TIAM2: variants seen among roughly 807,000 people sequenced by gnomAD.
The protein encoded by TIAM2 is rho guanine nucleotide exchange factor TIAM2.
A neutral mutation model predicts 152.9 loss-of-function variants in TIAM2; 80 were observed. The ratio of observed to expected loss-of-function variants is 0.52; its 90% CI spans 0.44 to 0.63. The LOEUF is 0.63. TIAM2 is among the 30% of genes least tolerant of loss of function. The probability of loss-of-function intolerance (pLI) is 0.00; values close to 1 mark genes in which losing one functional copy is unlikely to be tolerated. For synonymous variants in TIAM2, 804 were observed against 838.0 expected (o/e 0.96, Z 0.70); for missense variants, 1,965 against 2,120.1 (o/e 0.93, Z 1.44).
intron 1 of TIAM2, among the ~76,000 whole-genome samples, chr6:154,997,465 C>T (rs1778236165): frequency 6.6e-6 from 1 of 151,906 alleles, no homozygotes; most frequent in African/African-American, 2.4e-5. Context: ...GCGCTCCTCT[C>T]CATTGGAGAG....
intron 2 of TIAM2, among the ~76,000 whole-genome samples, chr6:155,115,247 A>G (rs538442717): frequency 3.9e-5 from 6 of 152,016 alleles, no homozygotes; most frequent in Non-Finnish European, 8.8e-5. Context: ...TTTTTTAAAG[A>G]GACAACATCT....
At chr6:155,079,431 G>C (rs1778017444) in intron 1 of TIAM2, among the ~76,000 whole-genome samples, 1 of 152,018 alleles carries the variant, frequency 6.6e-6, no homozygotes, top group African/African-American at 2.4e-5. Flanking sequence ...TTTCCCCTTT[G>C]GCTCTAGGTC....
chr6:155,050,579 C>T (rs1436056148), intron 1 of TIAM2, among the ~76,000 whole-genome samples: 1 of 152,176 alleles, frequency 6.6e-6, no homozygotes, highest in Non-Finnish European at 1.5e-5. Flanking sequence ...CTGGAGGGGT[C>T]ACACCTGCAG....
At chr6:155,030,529 C>T (rs552311064) in intron 1 of TIAM2, among the ~76,000 whole-genome samples, 4 of 152,186 alleles carry the variant, frequency 2.6e-5, no homozygotes, top group South Asian at 2.1e-4. Flanking sequence ...GCGTCCAAAC[C>T]GCAAGCCTCC....
chr6:155,050,154 A>G (rs1043359826), intron 1 of TIAM2, among the ~76,000 whole-genome samples: 4 of 152,140 alleles, frequency 2.6e-5, no homozygotes, highest in Non-Finnish European at 5.9e-5. Context: ...GAATTTAGAC[A>G]GTATTGGCAT....
chr6:155,037,729 C>T (rs1171521770), intron 1 of TIAM2, among the ~76,000 whole-genome samples: 1 of 152,124 alleles, frequency 6.6e-6, no homozygotes, highest in African/African-American at 2.4e-5. Context: ...GGGGTTTTGA[C>T]ATGTAGGCCA....
rs1001453914 is a variant in TIAM2 at position 155,179,366 on chromosome 6, C to A, written c.2629-12C>A. The A allele has an allele frequency of 6.2e-7, 1 of 1,612,922 alleles. No homozygotes were observed. Among genetic ancestry groups the A allele is most frequent in the Non-Finnish European group, 8.5e-7 (1 of 1,179,624 alleles). On this transcript the variant is annotated splice_polypyrimidine_tract_variant and intron_variant, in intron 11 of 26. Coordinates refer to ENST00000682666, the MANE Select transcript of TIAM2 (RefSeq NM_012454.4). ...TGAGATCCTCTGATTTTGTTGTTTTCACCTTTTGCAGGTTTATGATGAAAT... is the reference window on the plus strand; with the variant it reads ...TGAGATCCTCTGATTTTGTTGTTTTAACCTTTTGCAGGTTTATGATGAAAT...
chr6:155,167,688 G>C (rs942596554), intron 9 of TIAM2, among the ~76,000 whole-genome samples: 3 of 151,962 alleles, frequency 2.0e-5, no homozygotes, highest in Admixed American at 6.6e-5. Flanking sequence ...GGATGGGAGT[G>C]GTCTCCCTAT....
Position 155,186,144 on chromosome 6 carries a change from G to A in TIAM2, c.3064+2644G>A, listed in dbSNP as rs1327750922. Among the ~76,000 whole-genome samples, 1 of 152,230 alleles carries A rather than the reference G, an allele frequency of 6.6e-6. No individual in the cohort carries two copies. Among genetic ancestry groups the A allele is most frequent in the Non-Finnish European group, 1.5e-5 (1 of 68,042 alleles). On this transcript the variant is annotated intron_variant, in intron 14 of 26. Coordinates refer to ENST00000682666, the MANE Select transcript of TIAM2 (RefSeq NM_012454.4). This position sits in a 1 kb window ranked among gnomAD's most constrained non-coding sequence, Gnocchi z 4.5. ...CATATGCAACATCTGAATGACAAGAGAAGCCTGTGTTTGTGGAAACTCTGA... is the reference window on the plus strand; with the variant it reads ...CATATGCAACATCTGAATGACAAGAAAAGCCTGTGTTTGTGGAAACTCTGA...
At chr6:155,233,111 C>G (rs911303274) in intron 15 of TIAM2, among the ~76,000 whole-genome samples, 1 of 152,156 alleles carries the variant, frequency 6.6e-6, no homozygotes, top group African/African-American at 2.4e-5. Context: ...GCAGTGGACT[C>G]CTGCCACGTA....
At chr6:155,075,310 T>C (rs1777931033) in intron 1 of TIAM2, among the ~76,000 whole-genome samples, 2 of 151,328 alleles carry the variant, frequency 1.3e-5, no homozygotes, top group Admixed American at 6.6e-5. Flanking sequence ...GACGATAAAC[T>C]AAATGGAATA....
At chr6:155,067,894 G>A (rs996804805) in intron 1 of TIAM2, among the ~76,000 whole-genome samples, 3 of 152,080 alleles carry the variant, frequency 2.0e-5, no homozygotes, top group Non-Finnish European at 4.4e-5. Flanking sequence ...CACCCGTCTC[G>A]GTCTCCCAAA....
chr6:155,035,114 T>C (rs1343743470), intron 1 of TIAM2, among the ~76,000 whole-genome samples: 1 of 152,198 alleles, frequency 6.6e-6, no homozygotes, highest in Non-Finnish European at 1.5e-5. Context: ...TTGATTATTA[T>C]AGTTCGTTTG....
intron 10 of TIAM2, among the ~76,000 whole-genome samples, chr6:155,178,219 G>A (rs1027809427): frequency 6.7e-6 from 1 of 148,472 alleles, no homozygotes; most frequent in African/African-American, 2.5e-5. Flanking sequence ...CCCAGTTAGA[G>A]CATAGGCCTG....
intron 1 of TIAM2, among the ~76,000 whole-genome samples, chr6:155,047,336 C>T (rs963190292): frequency 1.2e-4 from 18 of 152,084 alleles, no homozygotes; most frequent in Non-Finnish European, 2.2e-4. Flanking sequence ...CGCGCCACCA[C>T]ACCCGGCTAA....
chr6:155,065,342 G>A (rs968196810), intron 1 of TIAM2, among the ~76,000 whole-genome samples: 33 of 152,080 alleles, frequency 2.2e-4, no homozygotes, highest in African/African-American at 6.8e-4. Context: ...GGAAGTCATC[G>A]TGCATTTCCT....
intron 1 of TIAM2, among the ~76,000 whole-genome samples, chr6:155,001,425 T>C (rs1394081570): frequency 1.3e-5 from 2 of 152,228 alleles, no homozygotes; most frequent in Non-Finnish European, 1.5e-5. Context: ...ATAAAAATCA[T>C]CTAGCATTTG....
chr6:155,107,479 A>G (rs974150127), intron 2 of TIAM2, among the ~76,000 whole-genome samples: 2 of 152,196 alleles, frequency 1.3e-5, no homozygotes, highest in African/African-American at 4.8e-5. Flanking sequence ...AGAAAGTACC[A>G]CTTCTCAGTG....
At chr6:155,179,530 C>T (rs1053386400) in intron 12 of TIAM2, 74 bp downstream of exon 12, 1 of 1,398,880 alleles carries the variant, frequency 7.1e-7, no homozygotes, top group African/African-American at 1.5e-5. Context: ...CATCTTTGGA[C>T]TTAATTTTTT....
Sources: gnomAD v4.1 joint callset for allele counts (sites outside exome capture counted in the v4.1 genomes callset) on GRCh38, gnomAD v4.1.1 for gene constraint, Gnocchi (gnomAD v3.1) non-coding constraint, MANE v1.5 for transcripts, NCBI Gene and HGNC (gene_info 2026-07-23, HGNC 2026-07-21) for gene names.